Variants in KIAA2012 observed in about 807,000 individuals in gnomAD.
The protein encoded by KIAA2012 is KIAA2012, also known as uncharacterized protein KIAA2012.
Under a neutral mutation model 150.6 loss-of-function variants are expected in KIAA2012, and 125 were observed. The observed-to-expected ratio is 0.83, with a 90% confidence interval of 0.72 to 0.96. The LOEUF is 0.96. Ranked by LOEUF, KIAA2012 falls within the 40% of genes least tolerant of loss-of-function variation. KIAA2012 has a pLI of 0.00. For missense variants in KIAA2012, 1,219 were observed against 1,354.9 expected (o/e 0.90, Z 1.57); for synonymous variants, 462 against 504.7 (o/e 0.92, Z 1.13).
chr2:202,126,952 A>C (rs1214250232), intron 12 of KIAA2012, among the ~76,000 whole-genome samples: 1 of 152,130 alleles, frequency 6.6e-6, no homozygotes, highest in Non-Finnish European at 1.5e-5. Context: ...AGAGTTTAGG[A>C]AGTCCTTGAC....
chr2:202,124,043 T>A (rs1466636020), intron 11 of KIAA2012, among the ~76,000 whole-genome samples: 1 of 151,922 alleles, frequency 6.6e-6, no homozygotes, highest in Non-Finnish European at 1.5e-5. Flanking sequence ...ACAAAAAAAA[T>A]TAGCCGGGTG....
chr2:202,118,602 G>A (rs760004688), intron 11 of KIAA2012, among the ~76,000 whole-genome samples: 2 of 52,870 alleles, frequency 3.8e-5, no homozygotes, highest in East Asian at 3.0e-4. Flanking sequence ...GGCAGTTTCT[G>A]TTCTGGGCTG....
chr2:202,103,260 C>A, intron 8 of KIAA2012, 146 bp downstream of exon 8: 1 of 800,142 alleles, frequency 1.2e-6, no homozygotes, highest in Non-Finnish European at 1.9e-6. Context: ...AGGATAAAAT[C>A]TAGAAGAAGA....
chr2:202,148,678 G>T (rs1451933194), intron 13 of KIAA2012, among the ~76,000 whole-genome samples: 6 of 152,200 alleles, frequency 3.9e-5, no homozygotes, highest in Non-Finnish European at 5.9e-5. Flanking sequence ...TATGCGGCCA[G>T]GCTGGGTTGC....
At chr2:202,198,595 T>G (rs1454586905) in intron 22 of KIAA2012, among the ~76,000 whole-genome samples, 2 of 152,180 alleles carry the variant, frequency 1.3e-5, no homozygotes, top group African/African-American at 4.8e-5. Context: ...TAATAAAAAC[T>G]GAGGTATGTA....
intron 13 of KIAA2012, 82 bp downstream of exon 13, chr2:202,138,590 G>GAGAGGTAAAGAGTCTCAC: frequency 1.0e-6 from 1 of 997,498 alleles, no homozygotes; most frequent in Non-Finnish European, 1.5e-6. Context: ...GTGCCCCTCA[G>GAGAGGTAAAGAGTCTCAC]TGAGACTCTT....
chr2:202,164,097 G>A lies in KIAA2012; in HGVS notation c.2047-1187G>A, dbSNP rs967918828. Among the ~76,000 whole-genome samples the A allele has an allele frequency of 4.6e-5, 7 of 152,126 alleles. No individual in the cohort carries two copies. The South Asian group carries it at 1.0e-3, about 23-fold the overall frequency. On this transcript the variant is annotated intron_variant, in intron 14 of 23. Coordinates refer to ENST00000498697, the MANE Select transcript of KIAA2012 (RefSeq NM_001277372.4). Reference sequence around the variant, plus strand: ...GTCACTACAGAATGAGGGTAAACCCGGAGAGACTTCCAGGACCCTTCATGC... The same window carrying A: ...GTCACTACAGAATGAGGGTAAACCCAGAGAGACTTCCAGGACCCTTCATGC...
rs930260481 is a variant in KIAA2012, at chr2:202,104,148, T to C, written c.1324+1034T>C. ...GACATGAAGGAACTTTCTGGGGTGA[T>C]GAAAAATGTTCTCACTCTGGGTTGC... On this transcript the variant is annotated intron_variant, in intron 8 of 23. Coordinates refer to ENST00000498697, the MANE Select transcript of KIAA2012 (RefSeq NM_001277372.4). The surrounding 1 kb of genome is among the most constrained non-coding windows in gnomAD (Gnocchi z 4.3). Among the ~76,000 whole-genome samples the C allele has an allele frequency of 2.0e-5, 3 of 152,176 alleles. No individual in the cohort carries two copies. The highest frequency in any genetic ancestry group is 4.4e-5 in the Non-Finnish European group (3 of 68,016).
chr2:202,077,380 G>A (rs1689348566), intron 2 of KIAA2012, among the ~76,000 whole-genome samples: 1 of 152,124 alleles, frequency 6.6e-6, no homozygotes, highest in Non-Finnish European at 1.5e-5. Flanking sequence ...AGGTAACAGA[G>A]ATCTTAATAG....
At chr2:202,155,676 G>A (rs751240190) in intron 14 of KIAA2012, among the ~76,000 whole-genome samples, 2 of 152,186 alleles carry the variant, frequency 1.3e-5, no homozygotes, top group African/African-American at 2.4e-5. Context: ...AAATACTTGC[G>A]GAGTGCATGA....
chr2:202,111,292 C>T (rs1690343073), intron 10 of KIAA2012, among the ~76,000 whole-genome samples: 1 of 135,498 alleles, frequency 7.4e-6, no homozygotes, highest in South Asian at 2.3e-4. Context: ...GTCAGGAGTT[C>T]AAGACCAGCT....
At chr2:202,116,616 TTTG>T (rs985783834) in intron 11 of KIAA2012, 2 of 151,900 alleles carry the variant, frequency 1.3e-5, no homozygotes, top group Admixed American at 1.3e-4. Context: ...TTCTTGTTTG[TTTG>T]TTGTTGTTAT....
At chr2:202,182,382 G>A (rs1692139719) in intron 15 of KIAA2012, among the ~76,000 whole-genome samples, 1 of 151,982 alleles carries the variant, frequency 6.6e-6, no homozygotes, top group African/African-American at 2.4e-5. Context: ...AAAGTGCTGA[G>A]ATTACAGGCA....
chr2:202,133,109 A>AAAAAATATAT (rs766606713), intron 12 of KIAA2012, among the ~76,000 whole-genome samples: 1 of 87,886 alleles, frequency 1.1e-5, no homozygotes, highest in Non-Finnish European at 2.2e-5. Flanking sequence ...TCTAAAAAAA[A>AAAAAATATAT]ATATATATAT....
At chr2:202,130,917 AAAAT>A (rs1263712872) in intron 12 of KIAA2012, among the ~76,000 whole-genome samples, 1 of 121,946 alleles carries the variant, frequency 8.2e-6, no homozygotes, top group African/African-American at 3.0e-5. Context: ...CTCCATCTCA[AAAAT>A]AAATAAATAA....
chr2:202,179,127 G>T, intron 15 of KIAA2012: 1 of 442,088 alleles, frequency 2.3e-6, no homozygotes, highest in African/African-American at 2.0e-5. Flanking sequence ...GTGTTTTGAG[G>T]TTGGTTTTGT....
rs1367624413 is a variant in KIAA2012 at position 202,138,419 on chromosome 2, A to AT, written c.1832-9dup. On this transcript the variant is annotated splice_polypyrimidine_tract_variant and intron_variant, in intron 12 of 23. Coordinates refer to ENST00000498697, the MANE Select transcript of KIAA2012 (RefSeq NM_001277372.4). Reference sequence around the variant, plus strand: ...CCACCTTGATCTTTTTTCCTCTTTGATTTTCACTACAGCAAACACTGAACC... The same window carrying AT: ...CCACCTTGATCTTTTTTCCTCTTTGATTTTTCACTACAGCAAACACTGAACC... The AT allele has an allele frequency of 1.9e-6, 3 of 1,549,552 alleles. No homozygotes were observed. Among genetic ancestry groups the AT allele is most frequent in the Non-Finnish European group, 2.6e-6 (3 of 1,145,994 alleles).
chr2:202,171,436 C>T (rs1229788484), intron 15 of KIAA2012, among the ~76,000 whole-genome samples: 1 of 152,124 alleles, frequency 6.6e-6, no homozygotes, highest in African/African-American at 2.4e-5. Flanking sequence ...CTCCGGGTCC[C>T]CGCGGCGTCG....
chr2:202,111,300 G>C (rs1017182427), intron 10 of KIAA2012, among the ~76,000 whole-genome samples: 1 of 145,522 alleles, frequency 6.9e-6, no homozygotes, highest in Non-Finnish European at 1.5e-5. Context: ...TTCAAGACCA[G>C]CTTGTGCAAC....
Sources: allele counts gnomAD v4.1 joint callset (sites outside exome capture counted in the v4.1 genomes callset), GRCh38; gene constraint gnomAD v4.1.1; non-coding constraint Gnocchi (gnomAD v3.1); transcripts MANE v1.5; gene names NCBI Gene and HGNC (gene_info 2026-07-23, HGNC 2026-07-21).